DNAH17: variants seen among roughly 807,000 people sequenced by gnomAD.
DNAH17 encodes the protein dynein axonemal heavy chain 17.
Under a neutral mutation model 485.6 loss-of-function variants are expected in DNAH17, and 376 were observed. The ratio of observed to expected loss-of-function variants is 0.77; its 90% CI spans 0.71 to 0.84. The LOEUF is 0.84. Among genes scored for constraint, DNAH17 ranks in the 40% least tolerant of loss-of-function variants. The probability of loss-of-function intolerance (pLI) is 0.00; values close to 1 mark genes in which losing one functional copy is unlikely to be tolerated. For missense variants in DNAH17, 6,370 were observed against 5,839.3 expected, an observed-to-expected ratio of 1.09 and a Z score of -2.96; for synonymous variants, 3,031 against 2,405.9, an observed-to-expected ratio of 1.26 and a Z score of -7.60.
chr17:78,572,179 C>T lies in DNAH17; in HGVS notation c.540-397G>A, dbSNP rs77476122. Among the ~76,000 whole-genome samples, 240 of 152,260 alleles carry T rather than the reference C, an allele frequency of 1.6e-3. 3 individuals are homozygous for T. The highest frequency in any genetic ancestry group is 0.012 in the Admixed American group (179 of 15,292). On this transcript the variant is annotated intron_variant, in intron 3 of 80. Transcript: ENST00000389840. ...AGGCAAAATACGGAACTAATTGTCA[C>T]GGGGGTCTCACATATCAGGGCGGTT...
chr17:78,517,714 A>G (rs1242372453), intron 25 of DNAH17, among the ~76,000 whole-genome samples: 1 of 152,168 alleles, frequency 6.6e-6, no homozygotes, highest in Non-Finnish European at 1.5e-5. Context: ...GACCCAAACA[A>G]AAAGCCTGCT....
chr17:78,548,064 T>C (rs558587922), intron 16 of DNAH17, among the ~76,000 whole-genome samples: 13 of 152,368 alleles, frequency 8.5e-5, no homozygotes, highest in African/African-American at 3.1e-4. Flanking sequence ...GCACTAGTTC[T>C]AGTCTAACTG....
At chr17:78,504,150 C>T (rs1401263240) in intron 31 of DNAH17, among the ~76,000 whole-genome samples, 1 of 151,868 alleles carries the variant, frequency 6.6e-6, no homozygotes, top group African/African-American at 2.4e-5. Context: ...ACTGCAACCT[C>T]TGTCTCCTAG....
intron 1 of DNAH17, among the ~76,000 whole-genome samples, chr17:78,575,634 G>A (rs977105274): frequency 1.3e-5 from 2 of 152,086 alleles, no homozygotes; most frequent in Admixed American, 1.3e-4. Context: ...TCTCCCTCCA[G>A]CCCCCAGCGT....
intron 37 of DNAH17, among the ~76,000 whole-genome samples, chr17:78,497,781 T>C (rs1324540681): frequency 1.3e-5 from 2 of 152,174 alleles, no homozygotes; most frequent in Admixed American, 1.3e-4. Context: ...CCTTACAGGT[T>C]AGAAGGTGGA....
rs553995083 is a variant in DNAH17, at chr17:78,536,334, C to T, written c.2859+965G>A. 6.6e-5 allele frequency among the ~76,000 whole-genome samples: 10 copies of T among 152,240 alleles called. 1 individual carries two copies. The South Asian group carries it at 2.1e-3, about 32-fold the overall frequency. ...GCATGGTGGCATGCACCTGTAGTCCCAGCTACTCAGGAGGCTGAGGCAGGA... is the reference window on the plus strand; with the variant it reads ...GCATGGTGGCATGCACCTGTAGTCCTAGCTACTCAGGAGGCTGAGGCAGGA... On this transcript the variant is annotated intron_variant, in intron 19 of 80. Coordinates refer to ENST00000389840, the MANE Select transcript of DNAH17 (RefSeq NM_173628.4).
intron 49 of DNAH17, 69 bp downstream of exon 49, chr17:78,480,615 C>A: frequency 7.4e-7 from 1 of 1,356,482 alleles, no homozygotes; most frequent in South Asian, 1.3e-5. Flanking sequence ...CAAAGCTTTT[C>A]CTCTCATTTG....
chr17:78,539,981 C>T (rs542522479), intron 17 of DNAH17, 101 bp from the exon 18 acceptor site: 74 of 1,237,834 alleles, frequency 6.0e-5, no homozygotes, highest in East Asian at 2.8e-4. Context: ...CATGTTCACA[C>T]GCCGGACACA....
In DNAH17 at chr17:78,529,663, C is replaced by T. The variant is rs758636610; in HGVS notation, c.3316G>A (p.Ala1106Thr). The change falls in exon 22 of 81, where the codon GCC becomes ACC. Residue 1106 changes from alanine to threonine, a missense_variant. By Grantham distance (58) the Ala-to-Thr change is moderately conservative (BLOSUM62 0). Coordinates refer to ENST00000389840, the MANE Select transcript of DNAH17 (RefSeq NM_173628.4). ...LADLEAFMKV[A>T]RMGLTKPLKE... ...AGGGGCTTGGTCAAGCCCATTCTGGCGACTTTCATGAAGGCTTCCAGGTCA... is the reference window on the plus strand; with the variant it reads ...AGGGGCTTGGTCAAGCCCATTCTGGTGACTTTCATGAAGGCTTCCAGGTCA... 9.3e-6 allele frequency: 15 copies of T among 1,613,782 alleles called. No homozygotes were observed. Among genetic ancestry groups the T allele is most frequent in the African/African-American group, 8.0e-5 (6 of 74,890 alleles).
Position 78,560,783 on chromosome 17 carries a change from C to T in DNAH17, c.1988G>A (p.Arg663Gln), listed in dbSNP as rs773981923. The change falls in exon 13 of 81, where the codon CGG becomes CAG. Residue 663 changes from arginine (R) to glutamine (Q), a missense_variant. Transcript: ENST00000389840. ...HFNLGQPLIL[R>Q]DAASNLIHVN... ...GTGGATGAGGTTGCTAGCGGCGTCC[C>T]GCAGAATCAGCGGCTGCCCCAGGTT... The T allele has an allele frequency of 5.2e-5, 81 of 1,552,240 alleles. No homozygotes were observed. Among genetic ancestry groups the T allele is most frequent in the Middle Eastern group, 3.3e-4 (2 of 6,008 alleles).
intron 1 of DNAH17, among the ~76,000 whole-genome samples, chr17:78,576,276 G>A (rs931682496): frequency 3.3e-5 from 5 of 152,100 alleles, no homozygotes; most frequent in African/African-American, 4.8e-5. Context: ...ACTATATATC[G>A]GCAAAACAAC....
chr17:78,468,016 C>G (rs80293050), intron 55 of DNAH17, among the ~76,000 whole-genome samples: 2 of 88,600 alleles, frequency 2.3e-5, no homozygotes, highest in Non-Finnish European at 4.5e-5. Context: ...AACTCCATCT[C>G]AAAAAAAAAA....
At chr17:78,453,593 C>T in intron 64 of DNAH17, 128 bp from the exon 65 acceptor site, 1 of 1,230,494 alleles carries the variant, frequency 8.1e-7, no homozygotes, top group Non-Finnish European at 1.1e-6. Context: ...TAGGAGCCCA[C>T]AACTTGTTCC....
rs376498268 is a variant in DNAH17, at chr17:78,567,109, C to T, written c.1342G>A (p.Val448Met). Residue 448 changes from valine (V) to methionine (M), a missense_variant, in exon 10 of 81, where the codon GTG becomes ATG. Val to Met is a conservative substitution (Grantham distance 21, BLOSUM62 1). Coordinates refer to ENST00000389840, the MANE Select transcript of DNAH17 (RefSeq NM_173628.4). ...AGGCTCCCGAGGAGGTTCCCACGCACGCCCCCAAGCTCGATTTTCTCCAGC... is the reference window on the plus strand; with the variant it reads ...AGGCTCCCGAGGAGGTTCCCACGCATGCCCCCAAGCTCGATTTTCTCCAGC... ...LKLEKIELGG[V>M]RGNLLGSLVT... 3.0e-5 allele frequency: 49 copies of T among 1,611,846 alleles called. No individual in the cohort carries two copies. Among genetic ancestry groups the T allele is most frequent in the Admixed American group, 8.4e-5 (5 of 59,644 alleles).
At chr17:78,428,283 C>G (rs943386206) in intron 77 of DNAH17, 1 of 564,436 alleles carries the variant, frequency 1.8e-6, no homozygotes, top group South Asian at 2.0e-5. Flanking sequence ...CGCATCCACA[C>G]CCCCAAGGAT....
At chr17:78,484,056 A>G (rs1380020461) in intron 48 of DNAH17, among the ~76,000 whole-genome samples, 1 of 127,342 alleles carries the variant, frequency 7.9e-6, no homozygotes. Flanking sequence ...AGATCGAGCC[A>G]TTGCACTCCA....
intron 62 of DNAH17, among the ~76,000 whole-genome samples, chr17:78,456,253 T>C (rs2087794869): frequency 6.6e-6 from 1 of 152,108 alleles, no homozygotes; most frequent in African/African-American, 2.4e-5. Flanking sequence ...GAGCCGAGAT[T>C]GGGCCACTGC....
Position 78,561,763 on chromosome 17 carries a change from T to C in DNAH17, c.1787A>G (p.Gln596Arg), listed in dbSNP as rs2092160764. 6.2e-7 allele frequency: 1 copy of C among 1,613,094 alleles called. No individual in the cohort carries two copies. Among genetic ancestry groups the C allele is most frequent in the African/African-American group, 1.3e-5 (1 of 75,042 alleles). The change falls in exon 12 of 81, where the codon CAG becomes CGG. Residue 596 changes from glutamine (Q) to arginine (R), a missense_variant. Transcript: ENST00000389840. ...AGQLKWSLEL[Q>R]ERLEVSMKHL... The stretch of plus-strand genomic sequence containing the variant: ...TTTCATGGACACCTCTAGCCTCTCC[T>C]GCAGCTCCAGGCTCCATTTGAGCTG...
At chr17:78,522,767 G>C (rs2090966526) in intron 25 of DNAH17, 1 of 224,800 alleles carries the variant, frequency 4.4e-6, no homozygotes, top group African/African-American at 2.3e-5. Flanking sequence ...CGAAAAAGTG[G>C]TGGAAAAGCT....
Sources: allele counts gnomAD v4.1 joint callset (sites outside exome capture counted in the v4.1 genomes callset), GRCh38; gene constraint gnomAD v4.1.1; transcripts MANE v1.5; gene names NCBI Gene and HGNC (gene_info 2026-07-23, HGNC 2026-07-21).